PRKN: variants seen among roughly 807,000 people sequenced by gnomAD.
PRKN encodes E3 ubiquitin-protein ligase parkin.
A neutral mutation model predicts 59.5 loss-of-function variants in PRKN; 56 were observed. The ratio of observed to expected loss-of-function variants is 0.94; its 90% confidence interval spans 0.76 to 1.18. The LOEUF (loss-of-function observed/expected upper bound fraction) is 1.18, where lower values mean the gene tolerates loss of function less well. PRKN is among the 50% of genes most tolerant of loss of function. The pLI is 0.00. For missense variants in PRKN, 657 were observed against 596.4 expected (o/e 1.10, Z -1.06); for synonymous variants, 250 against 222.1 (o/e 1.13, Z -1.12).
At chr6:162,644,695 G>T (rs1271755780) in intron 1 of PRKN, among the ~76,000 whole-genome samples, 1 of 152,128 alleles carries the variant, frequency 6.6e-6, no homozygotes, top group Non-Finnish European at 1.5e-5. Flanking sequence ...AGTACCACTA[G>T]GCAATGCTAA....
At chr6:162,510,213 A>G (rs1256670734) in intron 1 of PRKN, among the ~76,000 whole-genome samples, 1 of 152,248 alleles carries the variant, frequency 6.6e-6, no homozygotes, top group African/African-American at 2.4e-5. Flanking sequence ...ATCCAAAACC[A>G]GAGTGGTCCA....
At chr6:162,379,633 C>T (rs11759064) in intron 2 of PRKN, among the ~76,000 whole-genome samples, 32,324 of 151,934 alleles carry the variant, frequency 0.21, 3,629 homozygotes, top group African/African-American at 0.27. Flanking sequence ...CGCATGGACC[C>T]GCCTCTGGCT....
intron 3 of PRKN, among the ~76,000 whole-genome samples, chr6:162,241,363 T>C (rs746145662): frequency 2.6e-5 from 4 of 152,120 alleles, no homozygotes; most frequent in Non-Finnish European, 4.4e-5. Context: ...AGATATTCAT[T>C]ACTTTATTAA....
chr6:162,568,970 G>C (rs898334505), intron 1 of PRKN: 20 of 674,036 alleles, frequency 3.0e-5, no homozygotes, highest in Non-Finnish European at 4.6e-5. Context: ...TGGCTGACGA[G>C]ATCAATTTCC....
chr6:161,731,465 T>C (rs542305309), intron 7 of PRKN, among the ~76,000 whole-genome samples: 86 of 152,364 alleles, frequency 5.6e-4, no homozygotes, highest in Non-Finnish European at 1.1e-3. Context: ...ATTAAATAAA[T>C]TTACTTATTT....
chr6:162,226,417 A>G (rs1778183908), intron 3 of PRKN, among the ~76,000 whole-genome samples: 1 of 152,162 alleles, frequency 6.6e-6, no homozygotes, highest in Admixed American at 6.6e-5. Context: ...GGCCCACAAC[A>G]AGCATGAAAC....
intron 5 of PRKN, among the ~76,000 whole-genome samples, chr6:161,991,052 G>C (rs1469739288): frequency 6.6e-6 from 1 of 152,172 alleles, no homozygotes; most frequent in Non-Finnish European, 1.5e-5. Flanking sequence ...ACAAACAGCA[G>C]ATTTCACAGC....
chr6:161,379,252 T>A lies in PRKN; in HGVS notation c.1167+7542A>T, dbSNP rs1312090465. Among the ~76,000 whole-genome samples, 2 of 152,124 alleles carry A rather than the reference T, an allele frequency of 1.3e-5. No homozygotes were observed. Among genetic ancestry groups the A allele is most frequent in the African/African-American group, 4.8e-5 (2 of 41,408 alleles). On this transcript the variant is annotated intron_variant, in intron 10 of 11. Transcript: ENST00000366898. This position sits in a 1 kb window ranked among gnomAD's most constrained non-coding sequence, Gnocchi z 4.9. ...CCCAGGAGCCTGGACCCATCAGGGA[T>A]GATGTCTGTGTCACCCCACCAGGTA...
chr6:161,510,620 C>G (rs73782921), intron 9 of PRKN, among the ~76,000 whole-genome samples: 15,133 of 152,162 alleles, frequency 0.099, 982 homozygotes, highest in African/African-American at 0.18. Context: ...AAATGCTTTA[C>G]CCTAATTACA....
chr6:162,551,517 C>T (rs936092788), intron 1 of PRKN, among the ~76,000 whole-genome samples: 1 of 152,188 alleles, frequency 6.6e-6, no homozygotes, highest in East Asian at 1.9e-4. Flanking sequence ...TAGGCAAGTA[C>T]TTCTTAGCAT....
At chr6:161,857,555 A>G (rs1793706678) in intron 6 of PRKN, among the ~76,000 whole-genome samples, 1 of 152,130 alleles carries the variant, frequency 6.6e-6, no homozygotes, top group Non-Finnish European at 1.5e-5. Flanking sequence ...CAATCTAGCA[A>G]ATCTACATTG....
Position 161,915,082 on chromosome 6 carries a change from C to T in PRKN, c.734+58220G>A, listed in dbSNP as rs1025155587. 2.0e-4 allele frequency among the ~76,000 whole-genome samples: 30 copies of T among 152,140 alleles called. 1 individual carries two copies. The highest frequency in any genetic ancestry group is 1.6e-3 in the Admixed American group (25 of 15,280). On this transcript the variant is annotated intron_variant, in intron 6 of 11. Transcript: ENST00000366898. ...GGTGGATCACCTGAGGTCAGGAGTTCAAGACCAGCCTGGCCAACATGGTGA... is the reference window on the plus strand; with the variant it reads ...GGTGGATCACCTGAGGTCAGGAGTTTAAGACCAGCCTGGCCAACATGGTGA...
chr6:162,380,402 T>C (rs1015615191), intron 2 of PRKN, among the ~76,000 whole-genome samples: 1 of 137,738 alleles, frequency 7.3e-6, no homozygotes, highest in South Asian at 2.2e-4. Context: ...TAAAGCTATA[T>C]ATATATATAT....
At chr6:162,082,109 A>G (rs573917649) in intron 4 of PRKN, among the ~76,000 whole-genome samples, 8 of 152,066 alleles carry the variant, frequency 5.3e-5, no homozygotes, top group Non-Finnish European at 1.2e-4. Context: ...TAACTCCTAC[A>G]ATTTCCAAGT....
At chr6:162,415,222 T>C (rs17438842) in intron 2 of PRKN, among the ~76,000 whole-genome samples, 83,441 of 151,806 alleles carry the variant, frequency 0.55, 23,893 homozygotes, top group African/African-American at 0.71. Context: ...CTGGGGAAAG[T>C]TATTTGGACT....
intron 4 of PRKN, among the ~76,000 whole-genome samples, chr6:162,168,458 A>G (rs749432840): frequency 2.0e-5 from 3 of 146,436 alleles, no homozygotes; most frequent in Non-Finnish European, 4.5e-5. Context: ...TATTCTTTGC[A>G]TTATGCATGG....
intron 6 of PRKN, among the ~76,000 whole-genome samples, chr6:161,910,749 T>G (rs115854676): frequency 1.6e-3 from 248 of 152,310 alleles, no homozygotes; most frequent in African/African-American, 5.6e-3. Flanking sequence ...TGTTGTCTTA[T>G]TTTAACAAGT....
intron 6 of PRKN, among the ~76,000 whole-genome samples, chr6:161,900,024 T>A (rs549048695): frequency 4.5e-4 from 69 of 152,066 alleles, no homozygotes; most frequent in African/African-American, 1.5e-3. Flanking sequence ...GCAGGGAGAT[T>A]TGCTTGGACC....
chr6:162,172,896 C>T (rs1451037686), intron 4 of PRKN, among the ~76,000 whole-genome samples: 1 of 152,090 alleles, frequency 6.6e-6, no homozygotes, highest in Non-Finnish European at 1.5e-5. Flanking sequence ...CCTTCCTCTC[C>T]AGAAGAAAGA....
Sources: allele counts gnomAD v4.1 joint callset (sites outside exome capture counted in the v4.1 genomes callset), GRCh38; gene constraint gnomAD v4.1.1; non-coding constraint Gnocchi (gnomAD v3.1); transcripts MANE v1.5; gene names NCBI Gene and HGNC (gene_info 2026-07-23, HGNC 2026-07-21).